ADGRL3: variants seen among roughly 807,000 people sequenced by gnomAD.
The protein encoded by ADGRL3 is adhesion G protein-coupled receptor L3, also known as calcium-independent alpha-latrotoxin receptor 3.
Under a neutral mutation model 153.5 loss-of-function variants are expected in ADGRL3, and 62 were observed. That is an observed-to-expected ratio of 0.40 (90% CI 0.33 to 0.50). The LOEUF (loss-of-function observed/expected upper bound fraction) is 0.50. Among genes scored for constraint, ADGRL3 ranks in the 20% least tolerant of loss-of-function variants. ADGRL3 has a pLI of 0.47. For missense variants in ADGRL3, 1,641 were observed against 1,859.4 expected (o/e 0.88, Z 2.16); for synonymous variants, 710 against 672.5 (o/e 1.06, Z -0.86).
At chr4:61,266,270 G>GGCTTTGGTACT (rs6148472) in intron 1 of ADGRL3, among the ~76,000 whole-genome samples, 2 of 151,224 alleles carry the variant, frequency 1.3e-5, no homozygotes, top group African/African-American at 4.8e-5. Context: ...TGATCTTTCT[G>GGCTTTGGTACT]ACTTTAGACA....
chr4:61,398,685 A>C (rs1347450896), intron 2 of ADGRL3, among the ~76,000 whole-genome samples: 8 of 151,232 alleles, frequency 5.3e-5, no homozygotes, highest in Non-Finnish European at 1.2e-4. Flanking sequence ...TCTGGTTTAC[A>C]ATGTCTTTCA....
intron 21 of ADGRL3, among the ~76,000 whole-genome samples, chr4:62,028,217 A>G (rs1290792260): frequency 6.6e-6 from 1 of 151,902 alleles, no homozygotes; most frequent in African/African-American, 2.4e-5. Context: ...AATGATATTA[A>G]AAAATTAGTA....
intron 11 of ADGRL3, among the ~76,000 whole-genome samples, chr4:61,901,277 G>A (rs1221785705): frequency 6.6e-6 from 1 of 152,146 alleles, no homozygotes; most frequent in African/African-American, 2.4e-5. Flanking sequence ...CAGATACCGC[G>A]AGGTTATTCC....
intron 5 of ADGRL3, among the ~76,000 whole-genome samples, chr4:61,622,053 A>C (rs930720082): frequency 6.6e-6 from 1 of 152,156 alleles, no homozygotes; most frequent in African/African-American, 2.4e-5. Flanking sequence ...GGTTGCTTTT[A>C]GTGATTTCTA....
chr4:61,815,323 A>G (rs998296878), intron 9 of ADGRL3, among the ~76,000 whole-genome samples: 1 of 152,150 alleles, frequency 6.6e-6, no homozygotes, highest in Admixed American at 6.5e-5. Flanking sequence ...AATATTTTAA[A>G]TTATTTTTCC....
chr4:61,343,086 G>A (rs1031288098), intron 1 of ADGRL3, among the ~76,000 whole-genome samples: 33 of 152,264 alleles, frequency 2.2e-4, no homozygotes, highest in African/African-American at 6.7e-4. Context: ...CAGGAGAACA[G>A]TATGGAGAAA....
At chr4:61,292,125 T>A (rs1391830095) in intron 1 of ADGRL3, among the ~76,000 whole-genome samples, 1 of 151,770 alleles carries the variant, frequency 6.6e-6, no homozygotes, top group Non-Finnish European at 1.5e-5. Flanking sequence ...ACAGCAACAA[T>A]TAATACTGAA....
At chr4:61,252,575 C>T (rs1408748332) in intron 1 of ADGRL3, among the ~76,000 whole-genome samples, 2 of 152,024 alleles carry the variant, frequency 1.3e-5, no homozygotes, top group Middle Eastern at 3.2e-3. Context: ...AAATTGATTC[C>T]TGTTATTTGT....
intron 4 of ADGRL3, among the ~76,000 whole-genome samples, chr4:61,518,272 T>G (rs2098509715): frequency 6.6e-6 from 1 of 152,222 alleles, no homozygotes; most frequent in African/African-American, 2.4e-5. Flanking sequence ...CCAAGGAATA[T>G]AATATTTGTA....
At position 61,708,488 on chromosome 4, in the gene ADGRL3, T is replaced by A. The variant is rs545048272; in HGVS notation, c.584-22134T>A. Among the ~76,000 whole-genome samples, 1,375 of 152,134 alleles carry A rather than the reference T, an allele frequency of 9.0e-3. 31 individuals carry two copies. The highest frequency in any genetic ancestry group is 0.031 in the African/African-American group (1,305 of 41,544). On this transcript the variant is annotated intron_variant, in intron 6 of 26. Transcript: ENST00000683033. ...ATTTAAAGTTTTACAGTCTTTGTTTTTTTTTTATTATTTGAAATTTTCATA... is the reference window on the plus strand; with the variant it reads ...ATTTAAAGTTTTACAGTCTTTGTTTATTTTTTATTATTTGAAATTTTCATA...
rs374415849 is a variant in ADGRL3, at chr4:61,558,586, A to G, written c.260-28641A>G. Among the ~76,000 whole-genome samples the G allele has an allele frequency of 3.3e-5, 5 of 152,022 alleles. No individual in the cohort carries two copies. The East Asian group carries it at 9.7e-4, about 29-fold the overall frequency. Reference sequence around the variant, plus strand: ...AATATCTGTTCATTGATCTGTCTATATAACATCTATCATCTATCCATCTAT... The same window carrying G: ...AATATCTGTTCATTGATCTGTCTATGTAACATCTATCATCTATCCATCTAT... On this transcript the variant is annotated intron_variant, in intron 4 of 26. Coordinates refer to ENST00000683033, the MANE Select transcript of ADGRL3 (RefSeq NM_001387552.1).
At chr4:61,975,192 G>T (rs953476792) in intron 17 of ADGRL3, among the ~76,000 whole-genome samples, 34 of 152,214 alleles carry the variant, frequency 2.2e-4, no homozygotes, top group African/African-American at 7.9e-4. Context: ...GGAAAATAAT[G>T]CAAGGAAAGC....
At chr4:61,226,266 T>C (rs1216491463) in intron 1 of ADGRL3, among the ~76,000 whole-genome samples, 1 of 152,164 alleles carries the variant, frequency 6.6e-6, no homozygotes, top group Non-Finnish European at 1.5e-5. Flanking sequence ...AGTTATCCAA[T>C]TGGCTGTGAT....
chr4:62,019,827 C>T (rs1302969419), intron 21 of ADGRL3, among the ~76,000 whole-genome samples: 6 of 152,156 alleles, frequency 3.9e-5, no homozygotes, highest in Admixed American at 2.6e-4. Context: ...ACTTCAAAAG[C>T]TTTTACTAAT....
intron 1 of ADGRL3, among the ~76,000 whole-genome samples, chr4:61,302,173 AT>A (rs2094599671): frequency 6.6e-6 from 1 of 152,106 alleles, no homozygotes; most frequent in Non-Finnish European, 1.5e-5. Context: ...GATGAGATGA[AT>A]TTTTGTTTCC....
rs370040630 is a variant in ADGRL3, at chr4:61,979,759, G to T, written c.3002G>T (p.Arg1001Leu). Reference protein sequence around the residue: ...AELLFLIGINRTDQPIACAVF... With the variant: ...AELLFLIGINLTDQPIACAVF... ...CTGCTCTTCCTGATTGGGATCAACCGAACTGACCAACCAGTAAGCAACCTA... is the reference window on the plus strand; with the variant it reads ...CTGCTCTTCCTGATTGGGATCAACCTAACTGACCAACCAGTAAGCAACCTA... Residue 1001 changes from arginine to leucine, a missense_variant, in exon 18 of 27, where the codon CGA (arginine) becomes CTA (leucine). Arg to Leu is a moderately radical substitution (Grantham distance 102). This residue lies in a region of ADGRL3 where 734 missense variants were observed against 797.0 expected (regional missense o/e 0.92). Transcript: ENST00000683033. The T allele has an allele frequency of 1.2e-6, 2 of 1,613,670 alleles. No individual in the cohort carries two copies. Among genetic ancestry groups the T allele is most frequent in the Non-Finnish European group, 8.5e-7 (1 of 1,179,704 alleles).
At chr4:61,933,538 G>A (rs2098826446) in intron 13 of ADGRL3, among the ~76,000 whole-genome samples, 1 of 152,074 alleles carries the variant, frequency 6.6e-6, no homozygotes, top group Non-Finnish European at 1.5e-5. Context: ...ATAATCCAAA[G>A]CATGCAAGTT....
intron 3 of ADGRL3, among the ~76,000 whole-genome samples, chr4:61,499,987 GACACACACAC>G (rs34740052): frequency 3.6e-5 from 5 of 138,960 alleles, no homozygotes; most frequent in East Asian, 4.3e-4. Flanking sequence ...CACACACACA[GACACACACAC>G]ACACACACAC....
chr4:61,854,313 G>A (rs972895017), intron 9 of ADGRL3, among the ~76,000 whole-genome samples: 2 of 152,206 alleles, frequency 1.3e-5, no homozygotes, highest in Non-Finnish European at 2.9e-5. Context: ...CTTGGAGGAA[G>A]GGCTGATTCT....
Sources: allele counts gnomAD v4.1 joint callset (sites outside exome capture counted in the v4.1 genomes callset), GRCh38; gene constraint gnomAD v4.1.1; regional missense constraint gnomAD v4.1.1; transcripts MANE v1.5; gene names NCBI Gene and HGNC (gene_info 2026-07-23, HGNC 2026-07-21).